The following CMIP variants were observed in gnomAD, a reference collection of about 807,000 sequenced individuals.
CMIP encodes C-Maf-inducing protein.
In CMIP, 13 loss-of-function variants were observed where a neutral mutation model predicts 97.3. That is an observed-to-expected ratio of 0.13 (90% CI 0.09 to 0.21). The LOEUF (loss-of-function observed/expected upper bound fraction) is 0.21. Ranked by LOEUF, CMIP falls within the 10% of genes least tolerant of loss-of-function variation. The pLI is 1.00. For missense variants in CMIP, 847 were observed against 1,024.9 expected (o/e 0.83, Z 2.37); for synonymous variants, 538 against 436.3 (o/e 1.23, Z -2.91).
chr16:81,453,747 T>C lies in CMIP; in HGVS notation c.300+8206T>C, dbSNP rs535589540. ...CAGTCCTGCAGGGGTCTCCCGAGGG[T>C]TCTGCCCCCTCTTTTTCTTGTGAAA... On this transcript the variant is annotated intron_variant, in intron 1 of 20. Coordinates refer to ENST00000537098, the MANE Select transcript of CMIP (RefSeq NM_198390.3). This position sits in a 1 kb window ranked among gnomAD's most constrained non-coding sequence, Gnocchi z 4.0. 2.6e-5 allele frequency among the ~76,000 whole-genome samples: 4 copies of C among 152,320 alleles called. No individual in the cohort carries two copies. The South Asian group carries it at 8.3e-4, about 32-fold the overall frequency.
intron 1 of CMIP, among the ~76,000 whole-genome samples, chr16:81,593,256 G>A (rs1026906044): frequency 2.0e-5 from 3 of 152,160 alleles, no homozygotes; most frequent in African/African-American, 7.2e-5. Flanking sequence ...AGAGAAGGGT[G>A]CCTGGAGGGT....
intron 1 of CMIP, among the ~76,000 whole-genome samples, chr16:81,474,180 C>G (rs1037293123): frequency 6.6e-6 from 1 of 152,136 alleles, no homozygotes; most frequent in African/African-American, 2.4e-5. Flanking sequence ...TTCCCCCCTG[C>G]TCAGAGCTTG....
intron 3 of CMIP, among the ~76,000 whole-genome samples, chr16:81,637,368 C>T (rs2150983292): frequency 6.6e-6 from 1 of 152,248 alleles, no homozygotes; most frequent in Admixed American, 6.5e-5. Flanking sequence ...CCACGGTGCC[C>T]AGCTGGTCAC....
chr16:81,640,689 C>T (rs375275083), intron 3 of CMIP, among the ~76,000 whole-genome samples: 9 of 151,722 alleles, frequency 5.9e-5, no homozygotes, highest in African/African-American at 1.9e-4. Context: ...ATCCTTGATG[C>T]GCCTTGGCAT....
At chr16:81,685,844 G>A (rs1483986787) in intron 10 of CMIP, among the ~76,000 whole-genome samples, 1 of 151,988 alleles carries the variant, frequency 6.6e-6, no homozygotes, top group Non-Finnish European at 1.5e-5. Flanking sequence ...GATTACAGGC[G>A]TGAGCCACCA....
chr16:81,539,408 A>T (rs1395166680), intron 1 of CMIP, among the ~76,000 whole-genome samples: 1 of 152,100 alleles, frequency 6.6e-6, no homozygotes, highest in Non-Finnish European at 1.5e-5. Context: ...CCCTGCGGGG[A>T]TGGATGCACA....
intron 1 of CMIP, among the ~76,000 whole-genome samples, chr16:81,582,631 G>A (rs947310719): frequency 6.6e-6 from 1 of 152,134 alleles, no homozygotes; most frequent in Non-Finnish European, 1.5e-5. Flanking sequence ...TCCAGGTAGA[G>A]AAGTGTACCA....
chr16:81,599,287 G>A (rs899835716), intron 1 of CMIP, among the ~76,000 whole-genome samples: 1 of 152,156 alleles, frequency 6.6e-6, no homozygotes, highest in Non-Finnish European at 1.5e-5. Context: ...GAGTGTGAAC[G>A]GCATTTGAGA....
At chr16:81,606,031 C>T (rs886459663) in intron 1 of CMIP, among the ~76,000 whole-genome samples, 7 of 152,246 alleles carry the variant, frequency 4.6e-5, no homozygotes, top group South Asian at 4.1e-4. Context: ...CCATAACTCT[C>T]GTTTGGCAGA....
chr16:81,678,000 TA>T (rs760136404), intron 9 of CMIP, among the ~76,000 whole-genome samples: 1 of 152,178 alleles, frequency 6.6e-6, no homozygotes, highest in South Asian at 2.1e-4. Flanking sequence ...GGTCAGCAAA[TA>T]TTTTTTGAGC....
chr16:81,632,273 G>A (rs1198911707), intron 3 of CMIP, among the ~76,000 whole-genome samples: 1 of 152,126 alleles, frequency 6.6e-6, no homozygotes, highest in Non-Finnish European at 1.5e-5. Context: ...AGTATAGAAA[G>A]GTATAAAATG....
chr16:81,485,693 C>A (rs2089303321), intron 1 of CMIP, among the ~76,000 whole-genome samples: 1 of 152,204 alleles, frequency 6.6e-6, no homozygotes, highest in African/African-American at 2.4e-5. Flanking sequence ...TATGCCAGAT[C>A]CTTTTTTGAG....
At chr16:81,470,296 G>C (rs1487133707) in intron 1 of CMIP, among the ~76,000 whole-genome samples, 2 of 145,422 alleles carry the variant, frequency 1.4e-5, no homozygotes, top group Non-Finnish European at 3.2e-5. Flanking sequence ...CCCCATCCAG[G>C]CGCCCCGTCC....
At chr16:81,516,369 G>A (rs1267855050) in intron 1 of CMIP, among the ~76,000 whole-genome samples, 1 of 152,148 alleles carries the variant, frequency 6.6e-6, no homozygotes. Flanking sequence ...TCGTCCACCC[G>A]AGTAGGACTG....
chr16:81,490,374 C>G (rs2089386207), intron 1 of CMIP, among the ~76,000 whole-genome samples: 1 of 152,188 alleles, frequency 6.6e-6, no homozygotes, highest in Admixed American at 6.5e-5. Context: ...AATCCCAGCA[C>G]TTTGAGAGGC....
intron 1 of CMIP, among the ~76,000 whole-genome samples, chr16:81,449,668 TTC>T (rs1491438166): frequency 5.0e-5 from 5 of 99,620 alleles, no homozygotes; most frequent in South Asian, 2.6e-4. Context: ...ACACACAGAT[TTC>T]CCCCCCCCCC....
chr16:81,485,492 A>G (rs930265483), intron 1 of CMIP, among the ~76,000 whole-genome samples: 9 of 152,022 alleles, frequency 5.9e-5, no homozygotes, highest in Non-Finnish European at 1.3e-4. Context: ...GCTTGTAGAC[A>G]CTCCCCAGGT....
At chr16:81,635,076 A>T (rs2092217286) in intron 3 of CMIP, among the ~76,000 whole-genome samples, 1 of 152,226 alleles carries the variant, frequency 6.6e-6, no homozygotes, top group African/African-American at 2.4e-5. Flanking sequence ...ACAGAGGAAG[A>T]GCAGGCTCTG....
intron 1 of CMIP, among the ~76,000 whole-genome samples, chr16:81,569,055 A>G (rs1334807900): frequency 6.6e-6 from 1 of 152,228 alleles, no homozygotes; most frequent in Admixed American, 6.5e-5. Flanking sequence ...AGAGGTTTAA[A>G]TAAGATCGTA....
Sources: allele counts gnomAD v4.1 joint callset (sites outside exome capture counted in the v4.1 genomes callset), GRCh38; gene constraint gnomAD v4.1.1; non-coding constraint Gnocchi (gnomAD v3.1); transcripts MANE v1.5; gene names NCBI Gene and HGNC (gene_info 2026-07-23, HGNC 2026-07-21).